Variants in KCNK12 observed in about 807,000 individuals in gnomAD.
KCNK12 encodes potassium two pore domain channel subfamily K member 12, also known as potassium channel subfamily K member 12.
KCNK12 carries 6 observed loss-of-function variants against 25.3 expected under a neutral mutation model. The ratio of observed to expected loss-of-function variants is 0.24; its 90% CI spans 0.13 to 0.47. The LOEUF is 0.47. Ranked by LOEUF, KCNK12 falls within the 20% of genes least tolerant of loss-of-function variation. The probability of loss-of-function intolerance (pLI) is 0.99; values close to 1 mark genes in which losing one functional copy is unlikely to be tolerated. For missense variants in KCNK12, 444 were observed against 661.7 expected (o/e 0.67, Z 3.61); for synonymous variants, 331 against 311.1 (o/e 1.06, Z -0.67).
Position 47,561,648 on chromosome 2 carries a change from T to C in KCNK12, c.391+8293A>G, listed in dbSNP as rs550366703. On this transcript the variant is annotated intron_variant, in intron 1 of 1. Transcript: ENST00000327876. ...AGATCTGGGGAGCAGATGCTACTCA[T>C]GGTTACCAGGCACTGCACCCATGGG... 2.0e-5 allele frequency among the ~76,000 whole-genome samples: 3 copies of C among 152,248 alleles called. No individual in the cohort carries two copies. In the East Asian group the frequency reaches 5.8e-4, roughly 29 times the overall value.
chr2:47,524,867 T>A (rs1668735861), intron 1 of KCNK12, among the ~76,000 whole-genome samples: 1 of 152,118 alleles, frequency 6.6e-6, no homozygotes, highest in African/African-American at 2.4e-5. Context: ...GACCTGCATG[T>A]TGGGGACAGA....
At position 47,525,467 on chromosome 2, in the gene KCNK12, C is replaced by T. The variant is rs1453109473; in HGVS notation, c.392-3659G>A. Among the ~76,000 whole-genome samples, 3 of 152,156 alleles carry T rather than the reference C, an allele frequency of 2.0e-5. No individual in the cohort carries two copies. The highest frequency in any genetic ancestry group is 2.1e-4 in the South Asian group (1 of 4,822). On this transcript the variant is annotated intron_variant, in intron 1 of 1. Coordinates refer to ENST00000327876, the MANE Select transcript of KCNK12 (RefSeq NM_022055.2). This position sits in a 1 kb window ranked among gnomAD's most constrained non-coding sequence, Gnocchi z 4.1. ...GGGTTCTGGGAGAACCCGGCAGTGT[C>T]CCCTGGAGTCCAGAGCTGTGCTGGA...
chr2:47,512,205 G>A lies in KCNK12; in HGVS notation c.*8702C>T. The A allele has an allele frequency of 7.0e-7, 1 of 1,424,476 alleles. No homozygotes were observed. 88.2% of individuals were successfully genotyped at this position (1,424,476 alleles called of 1,614,324 possible). A position where few individuals can be genotyped will look rare whatever the true frequency, so the allele number is the denominator to read the frequency against. On this transcript the variant is annotated 3_prime_UTR_variant, in exon 2 of 2. Transcript: ENST00000327876. ...AAAAAGAATTGAACAAACTGTCTAA[G>A]CTGGGTCAGGTACTCTGCAGATGTT...
chr2:47,523,219 A>G (rs902858482), intron 1 of KCNK12, among the ~76,000 whole-genome samples: 3 of 152,214 alleles, frequency 2.0e-5, no homozygotes, highest in African/African-American at 7.2e-5. Context: ...GGTAGAGTGT[A>G]ACCAGGTAGC....
Position 47,533,828 on chromosome 2 carries a change from A to C in KCNK12, c.392-12020T>G, listed in dbSNP as rs1668990843. ...GCAGAGCTGGATGGACTGCTCCCTG[A>C]GGACAGAAGCTCTTGGTTTTCTTCC... On this transcript the variant is annotated intron_variant, in intron 1 of 1. Coordinates refer to ENST00000327876, the MANE Select transcript of KCNK12 (RefSeq NM_022055.2). The surrounding 1 kb of genome is among the most constrained non-coding windows in gnomAD (Gnocchi z 4.7). Among the ~76,000 whole-genome samples the C allele has an allele frequency of 6.6e-6, 1 of 152,154 alleles. No individual in the cohort carries two copies. Among genetic ancestry groups the C allele is most frequent in the Non-Finnish European group, 1.5e-5 (1 of 68,036 alleles).
At chr2:47,561,368 T>C (rs1038229627) in intron 1 of KCNK12, among the ~76,000 whole-genome samples, 2 of 152,180 alleles carry the variant, frequency 1.3e-5, no homozygotes, top group African/African-American at 4.8e-5. Context: ...TAAGATATTC[T>C]AGTTGAGGAC....
rs1386361088 is a variant in KCNK12, at chr2:47,521,632, G to A, written c.568C>T (p.Leu190=). 3 of 1,582,826 alleles carry A rather than the reference G, an allele frequency of 1.9e-6. No homozygotes were observed. The highest frequency in any genetic ancestry group is 1.7e-4 in the Middle Eastern group (1 of 5,990). Residue 190 remains leucine (L), a synonymous_variant, in exon 2 of 2, where the codon CTG becomes TTG. Coordinates refer to ENST00000327876, the MANE Select transcript of KCNK12 (RefSeq NM_022055.2). ...RERQLRRSGL[L]PATFRRGSAL... is the part of the protein sequence containing the mutation. ...GAGCCGCGGCGGAAGGTGGCGGGCA[G>A]CAGGCCGCTGCGGCGCAGCTGGCGC...
chr2:47,532,443 C>CCT (rs149247869), intron 1 of KCNK12, among the ~76,000 whole-genome samples: 1,807 of 152,250 alleles, frequency 0.012, 42 homozygotes, highest in African/African-American at 0.041. Flanking sequence ...TTCACTGCAA[C>CCT]CTCTGCCCCC....
In KCNK12 at chr2:47,543,297, T is replaced by A. The variant is rs1034077056; in HGVS notation, c.392-21489A>T. 3 of 152,080 alleles carry A rather than the reference T, an allele frequency of 2.0e-5. No individual in the cohort carries two copies. In the East Asian group the frequency reaches 5.8e-4, roughly 29 times the overall value. 9.4% of individuals were successfully genotyped at this position (152,080 alleles called of 1,614,324 possible). A position where few individuals can be genotyped will look rare whatever the true frequency, so the allele number is the denominator to read the frequency against. On this transcript the variant is annotated intron_variant, in intron 1 of 1. Transcript: ENST00000327876. ...TTTTAGCTTTGATTACTACACTGTG[T>A]TGCTTTCCTCACTGAGGCTTATGTG...
chr2:47,513,782 A>T lies in KCNK12; in HGVS notation c.*7125T>A, dbSNP rs774653697. Among the ~76,000 whole-genome samples, 1 of 151,870 alleles carries T rather than the reference A, an allele frequency of 6.6e-6. No individual in the cohort carries two copies. The highest frequency in any genetic ancestry group is 1.5e-5 in the Non-Finnish European group (1 of 67,962). ...TAGCCTGAGACCTGGCTCCGTCCCA[A>T]TTCCTCTCTCTCAGTCTTATCATCC... On this transcript the variant is annotated 3_prime_UTR_variant, in exon 2 of 2. Coordinates refer to ENST00000327876, the MANE Select transcript of KCNK12 (RefSeq NM_022055.2).
In KCNK12 at chr2:47,555,661, C is replaced by A. The variant is rs1050536498; in HGVS notation, c.391+14280G>T. Among the ~76,000 whole-genome samples, 2 of 152,188 alleles carry A rather than the reference C, an allele frequency of 1.3e-5. No individual in the cohort carries two copies. The highest frequency in any genetic ancestry group is 2.9e-5 in the Non-Finnish European group (2 of 68,046). On this transcript the variant is annotated intron_variant, in intron 1 of 1. Transcript: ENST00000327876. The surrounding 1 kb of genome is among the most constrained non-coding windows in gnomAD (Gnocchi z 4.5). ...CATATGTATATGCAATAAATCTTTT[C>A]TCCTATTAATCTGTCTTTTAATTCA...
At chr2:47,532,181 A>C (rs1025886963) in intron 1 of KCNK12, among the ~76,000 whole-genome samples, 4 of 151,962 alleles carry the variant, frequency 2.6e-5, no homozygotes, top group South Asian at 2.1e-4. Context: ...ATCCTGGAGC[A>C]CACATTCTAG....
rs2104834470 is a variant in KCNK12 at position 47,547,140 on chromosome 2, G to A, written c.391+22801C>T. 6.6e-6 allele frequency among the ~76,000 whole-genome samples: 1 copy of A among 152,292 alleles called. No homozygotes were observed. Among genetic ancestry groups the A allele is most frequent in the South Asian group, 2.1e-4 (1 of 4,824 alleles). On this transcript the variant is annotated intron_variant, in intron 1 of 1. Transcript: ENST00000327876. The surrounding 1 kb of genome is among the most constrained non-coding windows in gnomAD (Gnocchi z 5.0). ...CAGTTCAGACATTTGAGGAAAGCCTGTAAGCCCTCTCTTGCAGCTCCTCCT... is the reference window on the plus strand; with the variant it reads ...CAGTTCAGACATTTGAGGAAAGCCTATAAGCCCTCTCTTGCAGCTCCTCCT...
intron 1 of KCNK12, among the ~76,000 whole-genome samples, chr2:47,523,756 A>T (rs187373164): frequency 6.6e-6 from 1 of 152,112 alleles, no homozygotes; most frequent in African/African-American, 2.4e-5. Flanking sequence ...GAGCTGAAAA[A>T]ATGGATCATT....
intron 1 of KCNK12, among the ~76,000 whole-genome samples, chr2:47,526,440 C>T (rs1356164895): frequency 7.0e-6 from 1 of 143,258 alleles, no homozygotes; most frequent in Non-Finnish European, 1.5e-5. Flanking sequence ...AGAAAAGAAA[C>T]AAAGAAACTG....
chr2:47,543,215 A>G (rs536876011), intron 1 of KCNK12: 1 of 152,336 alleles, frequency 6.6e-6, no homozygotes, highest in East Asian at 1.9e-4. Flanking sequence ...CGTCACCACA[A>G]TAAATAGCAA....
At chr2:47,567,802 C>T (rs566623296) in intron 1 of KCNK12, among the ~76,000 whole-genome samples, 28 of 152,280 alleles carry the variant, frequency 1.8e-4, no homozygotes, top group African/African-American at 6.5e-4. Context: ...TCTGAAAACA[C>T]GAATCAAGAA....
At position 47,547,806 on chromosome 2, in the gene KCNK12, C is replaced by T. The variant is rs1345118321; in HGVS notation, c.391+22135G>A. On this transcript the variant is annotated intron_variant, in intron 1 of 1. Coordinates refer to ENST00000327876, the MANE Select transcript of KCNK12 (RefSeq NM_022055.2). This position sits in a 1 kb window ranked among gnomAD's most constrained non-coding sequence, Gnocchi z 5.0. ...AGAGAGGGGGTTTCACCGTGTTGGC[C>T]AGGCTGGTCTCGAACTCCTACCACA... Among the ~76,000 whole-genome samples the T allele has an allele frequency of 1.3e-5, 2 of 152,152 alleles. No individual in the cohort carries two copies. The highest frequency in any genetic ancestry group is 2.9e-5 in the Non-Finnish European group (2 of 68,010).
intron 1 of KCNK12, among the ~76,000 whole-genome samples, chr2:47,545,810 C>T (rs149132431): frequency 1.7e-3 from 252 of 152,048 alleles, no homozygotes; most frequent in African/African-American, 5.9e-3. Flanking sequence ...TTTGTGCTAA[C>T]TGATGGACAG....
Sources: gnomAD v4.1 joint callset for allele counts (sites outside exome capture counted in the v4.1 genomes callset) on GRCh38, gnomAD v4.1.1 for gene constraint, Gnocchi (gnomAD v3.1) non-coding constraint, MANE v1.5 for transcripts, NCBI Gene and HGNC (gene_info 2026-07-23, HGNC 2026-07-21) for gene names.